GABRG1: variants seen among roughly 807,000 people sequenced by gnomAD.
GABRG1 encodes the protein gamma-aminobutyric acid type A receptor subunit gamma1.
GABRG1 carries 49 observed loss-of-function variants against 49.8 expected under a neutral mutation model. The ratio of observed to expected loss-of-function variants is 0.98; its 90% CI spans 0.78 to 1.25. The LOEUF (loss-of-function observed/expected upper bound fraction) is 1.25, where lower values mean the gene tolerates loss of function less well. Ranked by LOEUF, GABRG1 falls within the 50% of genes most tolerant of loss-of-function variation. The pLI is 0.00. For synonymous variants in GABRG1, 232 were observed against 185.1 expected (o/e 1.25, Z -2.06); for missense variants, 552 against 552.3 (o/e 1.00, Z 0.01).
intron 2 of GABRG1, among the ~76,000 whole-genome samples, chr4:46,089,222 A>C (rs532734996): frequency 1.3e-5 from 2 of 151,994 alleles, no homozygotes; most frequent in South Asian, 2.1e-4. Context: ...TTCCCAAGCC[A>C]GGGAATTGAG....
chr4:46,072,122 A>G (rs1719150385), intron 3 of GABRG1, among the ~76,000 whole-genome samples: 1 of 152,096 alleles, frequency 6.6e-6, no homozygotes, highest in Non-Finnish European at 1.5e-5. Context: ...ATGTTTAGAT[A>G]TGCAAATGCT....
chr4:46,077,070 A>C (rs1359970934), intron 3 of GABRG1, among the ~76,000 whole-genome samples: 1 of 150,352 alleles, frequency 6.7e-6, no homozygotes, highest in African/African-American at 2.4e-5. Flanking sequence ...ACTTTTAAAA[A>C]ATCCGTTAAA....
chr4:46,043,825 A>G (rs1041719234), intron 8 of GABRG1, among the ~76,000 whole-genome samples: 23 of 151,984 alleles, frequency 1.5e-4, no homozygotes, highest in African/African-American at 5.3e-4. Context: ...TTTCACTATT[A>G]AGGATATATC....
In GABRG1 at chr4:46,053,903, A is replaced by C. The variant is rs530311302; in HGVS notation, c.917-2265T>G. ...ATAATAAAAAACACTTAAGATATTA[A>C]CAGGATATTGAGAAAACATTTTGGA... On this transcript the variant is annotated intron_variant, in intron 7 of 8. Transcript: ENST00000295452. 3.3e-5 allele frequency among the ~76,000 whole-genome samples: 5 copies of C among 152,180 alleles called. No homozygotes were observed. The South Asian group carries it at 8.3e-4, about 25-fold the overall frequency.
chr4:46,046,552 T>G (rs969450790), intron 8 of GABRG1, among the ~76,000 whole-genome samples: 1 of 152,128 alleles, frequency 6.6e-6, no homozygotes, highest in African/African-American at 2.4e-5. Flanking sequence ...TGTGGATTGA[T>G]ACAGCTTTTC....
chr4:46,102,687 C>T (rs1720421108), intron 1 of GABRG1, among the ~76,000 whole-genome samples: 2 of 151,482 alleles, frequency 1.3e-5, no homozygotes, highest in African/African-American at 4.8e-5. Context: ...TTCTTTTTGT[C>T]TTACTAAACT....
intron 5 of GABRG1, among the ~76,000 whole-genome samples, chr4:46,059,981 T>C (rs1372911346): frequency 1.3e-5 from 2 of 152,188 alleles, no homozygotes; most frequent in African/African-American, 4.8e-5. Context: ...TAATGTTTTA[T>C]GTATTCTAGA....
At chr4:46,117,166 A>C (rs1441044676) in intron 1 of GABRG1, among the ~76,000 whole-genome samples, 1 of 150,600 alleles carries the variant, frequency 6.6e-6, no homozygotes, top group Non-Finnish European at 1.5e-5. Flanking sequence ...AATATATATT[A>C]AACTCACTAT....
rs1194368584 is a variant in GABRG1, at chr4:46,038,664, AGTCTAAAT to A, written c.*2316_*2323del. 1 of 151,710 alleles carries A rather than the reference AGTCTAAAT, an allele frequency of 6.6e-6. No individual in the cohort carries two copies. The highest frequency in any genetic ancestry group is 2.4e-5 in the African/African-American group (1 of 41,440). 9.4% of individuals were successfully genotyped at this position (151,710 alleles called of 1,614,324 possible). On this transcript the variant is annotated 3_prime_UTR_variant, in exon 9 of 9. Transcript: ENST00000295452. ...GCTGTATTTGATTTCTTGAGAAAGA[AGTCTAAAT>A]GTAGTTTTACCTTTTTATTCTTATT... is the stretch of plus-strand genomic sequence containing the variant.
chr4:46,097,395 A>G, intron 1 of GABRG1, 46 bp from the exon 2 acceptor site: 1 of 1,550,142 alleles, frequency 6.5e-7, no homozygotes. Context: ...GTTCAATCAA[A>G]TCATGTATAA....
In GABRG1 at chr4:46,059,520, T is replaced by C. The variant is rs541166023; in HGVS notation, c.626-898A>G. On this transcript the variant is annotated intron_variant, in intron 5 of 8. Coordinates refer to ENST00000295452, the MANE Select transcript of GABRG1 (RefSeq NM_173536.4). ...CTCATGCCTCAGCCTCCCAAGTAGC[T>C]GAGACCTATACAGGTGCTTGCCAAC... Among the ~76,000 whole-genome samples, 4 of 152,212 alleles carry C rather than the reference T, an allele frequency of 2.6e-5. No individual in the cohort carries two copies. The East Asian group carries it at 7.7e-4, about 29-fold the overall frequency.
intron 1 of GABRG1, among the ~76,000 whole-genome samples, chr4:46,104,185 T>C (rs1720465378): frequency 6.6e-6 from 1 of 151,520 alleles, no homozygotes; most frequent in Admixed American, 6.6e-5. Flanking sequence ...TCAATGATCA[T>C]ACCACATTAT....
At chr4:46,044,707 A>G (rs1278014289) in intron 8 of GABRG1, among the ~76,000 whole-genome samples, 1 of 152,102 alleles carries the variant, frequency 6.6e-6, no homozygotes, top group Admixed American at 6.6e-5. Context: ...GGAGTAATGA[A>G]TAGAATGGAA....
intron 1 of GABRG1, among the ~76,000 whole-genome samples, chr4:46,110,830 A>G (rs1720689639): frequency 6.6e-6 from 1 of 151,016 alleles, no homozygotes; most frequent in South Asian, 2.1e-4. Context: ...CAAGAAACTA[A>G]GACTTGAAGG....
chr4:46,085,681 GA>G (rs1359892711), intron 2 of GABRG1, among the ~76,000 whole-genome samples: 1 of 150,716 alleles, frequency 6.6e-6, no homozygotes, highest in South Asian at 2.1e-4. Flanking sequence ...ATATAATTAA[GA>G]AAAAAAACCA....
intron 8 of GABRG1, among the ~76,000 whole-genome samples, chr4:46,047,734 A>T (rs1473308808): frequency 6.6e-6 from 1 of 152,040 alleles, no homozygotes; most frequent in Admixed American, 6.6e-5. Context: ...CTGAAAAAGC[A>T]TGAGAAATTA....
rs950219097 is a variant in GABRG1, at chr4:46,036,210, G to T, written c.*4778C>A. Reference sequence around the variant, plus strand: ...TATTTCAGAAATTGTTTGAGGAACAGAAATCAACTTTCTGGATTTGTCTAC... The same window carrying T: ...TATTTCAGAAATTGTTTGAGGAACATAAATCAACTTTCTGGATTTGTCTAC... On this transcript the variant is annotated 3_prime_UTR_variant, in exon 9 of 9. Coordinates refer to ENST00000295452, the MANE Select transcript of GABRG1 (RefSeq NM_173536.4). 6.6e-5 allele frequency: 10 copies of T among 151,812 alleles called. No homozygotes were observed. The highest frequency in any genetic ancestry group is 2.4e-4 in the African/African-American group (10 of 41,498). 9.4% of individuals were successfully genotyped at this position (151,812 alleles called of 1,614,324 possible).
At chr4:46,059,988 T>C (rs551032311) in intron 5 of GABRG1, among the ~76,000 whole-genome samples, 5 of 152,304 alleles carry the variant, frequency 3.3e-5, no homozygotes, top group Non-Finnish European at 7.4e-5. Flanking sequence ...TTATGTATTC[T>C]AGATACTAGT....
At chr4:46,083,650 C>CT (rs529246561) in intron 3 of GABRG1, among the ~76,000 whole-genome samples, 5 of 151,254 alleles carry the variant, frequency 3.3e-5, no homozygotes, top group African/African-American at 9.7e-5. Context: ...GCCAGTAAGT[C>CT]TTTTTTTTCT....
Sources: allele counts gnomAD v4.1 joint callset (sites outside exome capture counted in the v4.1 genomes callset), GRCh38; gene constraint gnomAD v4.1.1; transcripts MANE v1.5; gene names NCBI Gene and HGNC (gene_info 2026-07-23, HGNC 2026-07-21).